The following CAPN9 variants were observed in gnomAD, a reference collection of about 807,000 sequenced individuals.
The protein encoded by CAPN9 is calpain 9, also known as calpain-9.
Under a neutral mutation model 92.8 loss-of-function variants are expected in CAPN9, and 81 were observed. That is an observed-to-expected ratio of 0.87 (90% CI 0.73 to 1.05). CAPN9 has a LOEUF of 1.05. Ranked by LOEUF, CAPN9 falls within the 50% of genes least tolerant of loss-of-function variation. CAPN9 has a pLI of 0.00. For missense variants in CAPN9, 848 were observed against 866.2 expected, an observed-to-expected ratio of 0.98 and a Z score of 0.26; for synonymous variants, 304 against 328.0, an observed-to-expected ratio of 0.93 and a Z score of 0.79.
rs536136510 is a variant in CAPN9 at position 230,771,860 on chromosome 1, G to A, written c.790-154G>A. On this transcript the variant is annotated intron_variant, in intron 6 of 19. Coordinates refer to ENST00000271971, the MANE Select transcript of CAPN9 (RefSeq NM_006615.3). ...TTCCAAGGGCTGGTTAAGAACTGGC[G>A]AACTTCTACATACCTTCAGCAGCAT... Among the ~76,000 whole-genome samples the A allele has an allele frequency of 1.4e-4, 22 of 152,320 alleles. No homozygotes were observed. The South Asian group carries it at 2.5e-3, about 17-fold the overall frequency.
chr1:230,781,272 T>C (rs1450653388), intron 11 of CAPN9, among the ~76,000 whole-genome samples: 3 of 152,242 alleles, frequency 2.0e-5, no homozygotes, highest in Admixed American at 6.5e-5. Flanking sequence ...TGTTTTCTAC[T>C]GGTCCCAGAG....
At position 230,798,859 on chromosome 1, in the gene CAPN9, G is replaced by T. The variant is rs1668513953; in HGVS notation, c.2046+639G>T. 3.9e-5 allele frequency among the ~76,000 whole-genome samples: 6 copies of T among 152,318 alleles called. No individual in the cohort carries two copies. The South Asian group carries it at 1.0e-3, about 26-fold the overall frequency. The stretch of plus-strand genomic sequence containing the variant: ...TTGGAAATGCAGAGTGCCAGGCCCT[G>T]CCCCAGACCTGCTGAATGGAAGTCG... On this transcript the variant is annotated intron_variant, in intron 19 of 19. Coordinates refer to ENST00000271971, the MANE Select transcript of CAPN9 (RefSeq NM_006615.3).
intron 2 of CAPN9, among the ~76,000 whole-genome samples, chr1:230,756,047 C>A (rs1423793314): frequency 6.6e-6 from 1 of 152,168 alleles, no homozygotes. Flanking sequence ...TACCTTTGTT[C>A]TATCTATGAA....
chr1:230,769,819 T>C (rs1422874471), intron 6 of CAPN9, among the ~76,000 whole-genome samples: 1 of 152,176 alleles, frequency 6.6e-6, no homozygotes, highest in Non-Finnish European at 1.5e-5. Context: ...ATAATAAGGA[T>C]GAAGACCTTT....
chr1:230,783,268 T>G (rs1667350405), intron 11 of CAPN9, among the ~76,000 whole-genome samples: 1 of 152,240 alleles, frequency 6.6e-6, no homozygotes, highest in South Asian at 2.1e-4. Flanking sequence ...AAGGAGTGAC[T>G]GCTGGCTTAA....
At position 230,759,543 on chromosome 1, in the gene CAPN9, C is replaced by G. The variant is rs574291648; in HGVS notation, c.315C>G (p.Ser105=). ...GCTGGCTATTAGCCGCCATCGCCTCCCTTACGCTTAATCAAAAAGCACTGG... is the reference window on the plus strand; with the variant it reads ...GCTGGCTATTAGCCGCCATCGCCTCGCTTACGCTTAATCAAAAAGCACTGG... The part of the protein sequence containing the change: ...GDCWLLAAIA[S]LTLNQKALAR... Residue 105 remains serine, a synonymous_variant, in exon 3 of 20, where the codon TCC becomes TCG. Coordinates refer to ENST00000271971, the MANE Select transcript of CAPN9 (RefSeq NM_006615.3). 6.2e-7 allele frequency: 1 copy of G among 1,611,816 alleles called. No homozygotes were observed. The highest frequency in any genetic ancestry group is 1.3e-5 in the African/African-American group (1 of 74,914).
At chr1:230,776,386 A>G (rs1666781506) in intron 8 of CAPN9, 1 of 150,938 alleles carries the variant, frequency 6.6e-6, no homozygotes, top group Admixed American at 6.6e-5. Flanking sequence ...GAGACCACAA[A>G]CATTCAGTCC....
intron 5 of CAPN9, 69 bp downstream of exon 5, chr1:230,767,778 C>CAGCCCCAGCA: frequency 2.1e-6 from 3 of 1,457,522 alleles, no homozygotes; most frequent in Non-Finnish European, 1.9e-6. Flanking sequence ...AGGCACTATG[C>CAGCCCCAGCA]TGGGGCTGTA....
At chr1:230,774,500 A>C (rs903515479) in intron 7 of CAPN9, 54 bp from the exon 8 acceptor site, 5 of 1,168,538 alleles carry the variant, frequency 4.3e-6, no homozygotes, top group Non-Finnish European at 6.5e-6. Context: ...CATCAAGGCC[A>C]TTGTTGCTCT....
At position 230,801,679 on chromosome 1, in the gene CAPN9, C is replaced by A. The variant is rs1572108303; in HGVS notation, c.*83C>A. ...TTCAGAACTTCTCTTGGTGTGGAAC[C>A]ATTACGCCCAGGGTTCACTCCCCTC... On this transcript the variant is annotated 3_prime_UTR_variant, in exon 20 of 20. Coordinates refer to ENST00000271971, the MANE Select transcript of CAPN9 (RefSeq NM_006615.3). 1 of 1,263,290 alleles carries A rather than the reference C, an allele frequency of 7.9e-7. No homozygotes were observed. The highest frequency in any genetic ancestry group is 1.2e-5 in the South Asian group (1 of 83,948). 78.3% of individuals were successfully genotyped at this position (1,263,290 alleles called of 1,614,324 possible). A position where few individuals can be genotyped will look rare whatever the true frequency, so the allele number is the denominator to read the frequency against.
intron 3 of CAPN9, among the ~76,000 whole-genome samples, chr1:230,761,935 G>A (rs1285004650): frequency 1.3e-5 from 2 of 152,158 alleles, no homozygotes; most frequent in Non-Finnish European, 2.9e-5. Context: ...ACACATGCAT[G>A]CACACATACA....
At chr1:230,790,497 G>C (rs1667908348) in intron 14 of CAPN9, 1 of 166,210 alleles carries the variant, frequency 6.0e-6, no homozygotes, top group African/African-American at 2.4e-5. Context: ...CATATGCGTA[G>C]ACATATAATG....
At chr1:230,761,360 G>T (rs1345979930) in intron 3 of CAPN9, among the ~76,000 whole-genome samples, 2 of 152,130 alleles carry the variant, frequency 1.3e-5, no homozygotes, top group Non-Finnish European at 2.9e-5. Context: ...CCCTGAGCCA[G>T]CCCCTCTGCA....
intron 6 of CAPN9, among the ~76,000 whole-genome samples, chr1:230,771,740 A>T (rs909422386): frequency 2.6e-5 from 4 of 152,222 alleles, no homozygotes; most frequent in Admixed American, 2.0e-4. Flanking sequence ...TGTTAATTGC[A>T]ATTCTACTTT....
At chr1:230,766,053 G>T (rs189527997) in intron 4 of CAPN9, among the ~76,000 whole-genome samples, 3 of 151,922 alleles carry the variant, frequency 2.0e-5, no homozygotes, top group Admixed American at 2.0e-4. Flanking sequence ...TTACCTCTCC[G>T]GTCTTCCTTC....
chr1:230,767,487 C>T (rs11579577), intron 4 of CAPN9, 54 bp from the exon 5 acceptor site: 67,819 of 1,440,496 alleles, frequency 0.047, 3,270 homozygotes, highest in East Asian at 0.27. Context: ...CAGGGTGCCC[C>T]AGTGGCCTCC....
intron 4 of CAPN9, among the ~76,000 whole-genome samples, chr1:230,766,900 T>G (rs546697239): frequency 1.3e-5 from 2 of 152,198 alleles, no homozygotes; most frequent in South Asian, 4.1e-4. Flanking sequence ...ATGAGACTCA[T>G]TCACTATCAC....
At chr1:230,772,172 G>C in intron 7 of CAPN9, 73 bp downstream of exon 7, 1 of 1,251,728 alleles carries the variant, frequency 8.0e-7, no homozygotes, top group Non-Finnish European at 1.2e-6. Flanking sequence ...GTGCAGACAT[G>C]TGAAGGAGTG....
chr1:230,749,433 C>T (rs1475219546), intron 1 of CAPN9, among the ~76,000 whole-genome samples: 4 of 152,216 alleles, frequency 2.6e-5, no homozygotes, highest in East Asian at 1.9e-4. Context: ...GGCTTATTTC[C>T]GGCCTCGGCG....
Sources: allele counts gnomAD v4.1 joint callset (sites outside exome capture counted in the v4.1 genomes callset), GRCh38; gene constraint gnomAD v4.1.1; transcripts MANE v1.5; gene names NCBI Gene and HGNC (gene_info 2026-07-23, HGNC 2026-07-21).